The following AGBL4 variants were observed in gnomAD, a reference collection of about 807,000 sequenced individuals.
The protein encoded by AGBL4 is AGBL carboxypeptidase 4.
AGBL4 carries 58 observed loss-of-function variants against 66.4 expected under a neutral mutation model. That is an observed-to-expected ratio of 0.87 (90% CI 0.71 to 1.09). The LOEUF is 1.09. Ranked by LOEUF, AGBL4 falls within the 50% of genes least tolerant of loss-of-function variation. The pLI is 0.00. For synonymous variants in AGBL4, 234 were observed against 222.9 expected, an observed-to-expected ratio of 1.05 and a Z score of -0.44; for missense variants, 579 against 631.0, an observed-to-expected ratio of 0.92 and a Z score of 0.88.
At chr1:49,591,133 C>T (rs957714359) in intron 3 of AGBL4, among the ~76,000 whole-genome samples, 1 of 151,672 alleles carries the variant, frequency 6.6e-6, no homozygotes, top group East Asian at 1.9e-4. Flanking sequence ...CTCAATCTAA[C>T]ATAAAAAGGT....
chr1:49,819,298 AC>A (rs1645306887), intron 2 of AGBL4, among the ~76,000 whole-genome samples: 1 of 152,204 alleles, frequency 6.6e-6, no homozygotes, highest in Non-Finnish European at 1.5e-5. Flanking sequence ...GGCTATCATG[AC>A]TTAAAACATA....
intron 2 of AGBL4, among the ~76,000 whole-genome samples, chr1:49,751,620 T>C (rs945489128): frequency 6.6e-6 from 1 of 152,178 alleles, no homozygotes; most frequent in Non-Finnish European, 1.5e-5. Context: ...GGAGTACCTC[T>C]TGTTCTGTTG....
intron 4 of AGBL4, among the ~76,000 whole-genome samples, chr1:49,049,707 GC>G (rs1644167907): frequency 6.6e-6 from 1 of 152,038 alleles, no homozygotes; most frequent in Admixed American, 6.6e-5. Context: ...AGAGAGGGCT[GC>G]CTTACAGAGA....
At chr1:49,590,337 A>G (rs951719802) in intron 3 of AGBL4, among the ~76,000 whole-genome samples, 10 of 152,148 alleles carry the variant, frequency 6.6e-5, no homozygotes, top group Admixed American at 6.5e-4. Context: ...GAAAAAGATA[A>G]AACAGAAAAT....
intron 4 of AGBL4, among the ~76,000 whole-genome samples, chr1:49,091,803 G>C (rs1199802633): frequency 6.6e-6 from 1 of 152,104 alleles, no homozygotes; most frequent in East Asian, 1.9e-4. Flanking sequence ...TAGTAGAGTG[G>C]ATAAAGAAAA....
chr1:48,937,316 G>C (rs556429247), intron 5 of AGBL4, among the ~76,000 whole-genome samples: 3 of 152,144 alleles, frequency 2.0e-5, no homozygotes, highest in Admixed American at 1.3e-4. Flanking sequence ...GAATTGGTGG[G>C]AGTTATTATT....
chr1:49,838,314 C>T (rs181213435), intron 2 of AGBL4, among the ~76,000 whole-genome samples: 2 of 152,242 alleles, frequency 1.3e-5, no homozygotes, highest in East Asian at 3.9e-4. Context: ...AGATGCCACC[C>T]AAAGGAGAAA....
At position 48,776,702 on chromosome 1, in the gene AGBL4, G is replaced by A. The variant is rs1428341350; in HGVS notation, c.634+90489C>T. On this transcript the variant is annotated intron_variant, in intron 6 of 13. Coordinates refer to ENST00000371839, the MANE Select transcript of AGBL4 (RefSeq NM_032785.4). ...TCGGGCCCGGCGCCCAATTCCTCCGGGCCCCGGTACACGGCGTACACCTTC... is the reference window on the plus strand; with the variant it reads ...TCGGGCCCGGCGCCCAATTCCTCCGAGCCCCGGTACACGGCGTACACCTTC... 3 of 1,519,156 alleles carry A rather than the reference G, an allele frequency of 2.0e-6. No individual in the cohort carries two copies. The African/African-American group carries it at 4.3e-5, about 22-fold the overall frequency. 94.1% of individuals were successfully genotyped at this position (1,519,156 alleles called of 1,614,324 possible). A position where few individuals can be genotyped will look rare whatever the true frequency, so the allele number is the denominator to read the frequency against.
the AGBL4 span, among the ~76,000 whole-genome samples, chr1:48,523,063 A>G: frequency 6.6e-6 from 1 of 152,204 alleles, no homozygotes; most frequent in African/African-American, 2.4e-5. Context: ...TAGAGACCCA[A>G]AATGGCAGAA....
intron 1 of AGBL4, among the ~76,000 whole-genome samples, chr1:49,904,287 T>C (rs771411469): frequency 2.0e-5 from 3 of 152,192 alleles, no homozygotes; most frequent in Non-Finnish European, 4.4e-5. Context: ...TACAATGTTA[T>C]AGGTGATGAA....
chr1:48,935,217 A>G (rs986616048), intron 5 of AGBL4, among the ~76,000 whole-genome samples: 2 of 152,168 alleles, frequency 1.3e-5, no homozygotes, highest in Non-Finnish European at 2.9e-5. Flanking sequence ...AAACACTCCA[A>G]TATATTTCCA....
chr1:48,709,217 A>C lies in AGBL4; in HGVS notation c.635-45976T>G, dbSNP rs371440461. ...CTCCGCCTTTCCTTTCACGAAGTTCAACGAAATGCCTATTCTTGTACTAGG... is the reference window on the plus strand; with the variant it reads ...CTCCGCCTTTCCTTTCACGAAGTTCCACGAAATGCCTATTCTTGTACTAGG... On this transcript the variant is annotated intron_variant, in intron 6 of 13. Transcript: ENST00000371839. Among the ~76,000 whole-genome samples, 4 of 152,282 alleles carry C rather than the reference A, an allele frequency of 2.6e-5. 1 individual carries two copies. Among genetic ancestry groups the C allele is most frequent in the African/African-American group, 9.6e-5 (4 of 41,546 alleles).
At chr1:48,669,494 C>T (rs1450806090) in intron 6 of AGBL4, among the ~76,000 whole-genome samples, 2 of 152,152 alleles carry the variant, frequency 1.3e-5, no homozygotes, top group African/African-American at 4.8e-5. Context: ...CATCTTCAGA[C>T]GTTACCAAGT....
At chr1:49,865,596 C>T (rs1333045903) in intron 1 of AGBL4, among the ~76,000 whole-genome samples, 4 of 152,102 alleles carry the variant, frequency 2.6e-5, no homozygotes, top group African/African-American at 9.7e-5. Context: ...AAAACTCCAT[C>T]CAAAGTCATC....
chr1:49,497,972 A>G (rs1426837307), intron 3 of AGBL4, among the ~76,000 whole-genome samples: 1 of 152,002 alleles, frequency 6.6e-6, no homozygotes, highest in African/African-American at 2.4e-5. Flanking sequence ...GGTAATATGG[A>G]CATTTTTAAC....
chr1:49,260,093 T>C (rs1652974073), intron 3 of AGBL4, among the ~76,000 whole-genome samples: 1 of 149,908 alleles, frequency 6.7e-6, no homozygotes, highest in African/African-American at 2.4e-5. Context: ...GAAATAAAGA[T>C]GTTCTTTGAA....
At chr1:48,643,870 A>G (rs537074145) in intron 8 of AGBL4, among the ~76,000 whole-genome samples, 1 of 152,220 alleles carries the variant, frequency 6.6e-6, no homozygotes, top group East Asian at 1.9e-4. Flanking sequence ...TCTCTGCCAC[A>G]TGGTGTGCTT....
intron 11 of AGBL4, among the ~76,000 whole-genome samples, chr1:48,549,460 GGGAGAA>G (rs1410743267): frequency 1.3e-5 from 2 of 152,106 alleles, no homozygotes; most frequent in African/African-American, 2.4e-5. Context: ...AGAGAGGAGA[GGGAGAA>G]GGAGAGGGAG....
intron 6 of AGBL4, among the ~76,000 whole-genome samples, chr1:48,774,201 T>C (rs547330539): frequency 6.6e-6 from 1 of 152,198 alleles, no homozygotes; most frequent in Non-Finnish European, 1.5e-5. Flanking sequence ...CACCTCTGCT[T>C]CCCACTTGAG....
Sources: gnomAD v4.1 joint callset for allele counts (sites outside exome capture counted in the v4.1 genomes callset) on GRCh38, gnomAD v4.1.1 for gene constraint, MANE v1.5 for transcripts, NCBI Gene and HGNC (gene_info 2026-07-23, HGNC 2026-07-21) for gene names.